The following SPOCK1 variants were observed in gnomAD, a reference collection of about 807,000 sequenced individuals.
The protein encoded by SPOCK1 is SPARC (osteonectin), cwcv and kazal like domains proteoglycan 1.
Under a neutral mutation model 55.3 loss-of-function variants are expected in SPOCK1, and 23 were observed. The ratio of observed to expected loss-of-function variants is 0.42; its 90% CI spans 0.30 to 0.59. The LOEUF is 0.59. SPOCK1 is among the 20% of genes least tolerant of loss of function. The pLI is 0.22. For synonymous variants in SPOCK1, 226 were observed against 221.0 expected (o/e 1.02, Z -0.20); for missense variants, 499 against 552.5 (o/e 0.90, Z 0.97).
At chr5:137,250,488 T>A (rs973052519) in intron 3 of SPOCK1, among the ~76,000 whole-genome samples, 1 of 152,192 alleles carries the variant, frequency 6.6e-6, no homozygotes, top group East Asian at 1.9e-4. Context: ...AAATCAGGAT[T>A]TTTTTTAACA....
At chr5:137,358,193 C>A (rs2127164614) in intron 2 of SPOCK1, among the ~76,000 whole-genome samples, 1 of 152,010 alleles carries the variant, frequency 6.6e-6, no homozygotes, top group South Asian at 2.1e-4. Context: ...CATCACTGAG[C>A]AATGACTGAA....
intron 2 of SPOCK1, among the ~76,000 whole-genome samples, chr5:137,301,497 C>T (rs917724755): frequency 6.6e-6 from 1 of 152,098 alleles, no homozygotes; most frequent in Non-Finnish European, 1.5e-5. Flanking sequence ...CCAACTCCAC[C>T]AACAGTTCCC....
intron 4 of SPOCK1, among the ~76,000 whole-genome samples, chr5:137,127,874 G>A (rs1753805886): frequency 6.6e-6 from 1 of 152,238 alleles, no homozygotes; most frequent in Non-Finnish European, 1.5e-5. Flanking sequence ...AGACTTTAAA[G>A]TTGATGTTGG....
chr5:137,040,200 C>G (rs1174231318), intron 6 of SPOCK1, among the ~76,000 whole-genome samples: 1 of 152,204 alleles, frequency 6.6e-6, no homozygotes, highest in Admixed American at 6.5e-5. Flanking sequence ...GAATTAGTTT[C>G]CAGCTGAAGT....
At chr5:137,361,643 C>T (rs13186743) in intron 2 of SPOCK1, among the ~76,000 whole-genome samples, 19,459 of 152,214 alleles carry the variant, frequency 0.13, 1,567 homozygotes, top group East Asian at 0.27. Flanking sequence ...CTAAAAAATG[C>T]TAATAGTGGT....
In SPOCK1 at chr5:137,498,535, C is replaced by A; in HGVS notation, c.24G>T (p.Ala8=). 1 of 1,537,350 alleles carries A rather than the reference C, an allele frequency of 6.5e-7. No homozygotes were observed. Among genetic ancestry groups the A allele is most frequent in the Non-Finnish European group, 8.7e-7 (1 of 1,148,710 alleles). Residue 8 remains alanine, a synonymous_variant, in exon 2 of 11, where the codon GCG becomes GCT. Coordinates refer to ENST00000394945, the MANE Select transcript of SPOCK1 (RefSeq NM_004598.4). ...GGAAGCACCACGCCGCGGCGGCCGC[C>A]GCCAACACCGCGATCGCCGGCATCT... is the stretch of plus-strand genomic sequence containing the variant. MPAIAVL[A]AAAAAWCFLQ...
chr5:137,109,820 T>C (rs1339513717), intron 5 of SPOCK1, among the ~76,000 whole-genome samples: 1 of 152,198 alleles, frequency 6.6e-6, no homozygotes, highest in East Asian at 1.9e-4. Flanking sequence ...CGGATCACCA[T>C]TCCCTATAAA....
At chr5:137,112,383 A>T in intron 5 of SPOCK1, 52 bp downstream of exon 5, 1 of 1,598,464 alleles carries the variant, frequency 6.3e-7, no homozygotes, top group South Asian at 1.1e-5. Flanking sequence ...GAAGTGTTAG[A>T]ACAAGCCGAC....
At chr5:137,479,045 G>T (rs1488450848) in intron 2 of SPOCK1, among the ~76,000 whole-genome samples, 1 of 151,446 alleles carries the variant, frequency 6.6e-6, no homozygotes, top group African/African-American at 2.4e-5. Context: ...GTCATGCAAG[G>T]TTCACCAGGT....
chr5:137,084,846 C>T (rs922385935), intron 5 of SPOCK1, among the ~76,000 whole-genome samples: 1 of 151,910 alleles, frequency 6.6e-6, no homozygotes, highest in African/African-American at 2.4e-5. Context: ...CCTCACTACA[C>T]CACTCCAAAT....
At chr5:137,468,372 G>C (rs886245765) in intron 2 of SPOCK1, among the ~76,000 whole-genome samples, 1 of 152,210 alleles carries the variant, frequency 6.6e-6, no homozygotes, top group Non-Finnish European at 1.5e-5. Flanking sequence ...TTTCCTGCAA[G>C]GCATTTGAAT....
At chr5:137,157,849 C>T (rs547568987) in intron 3 of SPOCK1, among the ~76,000 whole-genome samples, 13 of 152,302 alleles carry the variant, frequency 8.5e-5, no homozygotes, top group South Asian at 6.2e-4. Flanking sequence ...CACCTGAGGT[C>T]AGGAGATCAA....
At chr5:137,070,479 A>G (rs1752591021) in intron 5 of SPOCK1, among the ~76,000 whole-genome samples, 1 of 152,206 alleles carries the variant, frequency 6.6e-6, no homozygotes. Context: ...GTAGGTGTTC[A>G]ATAAACAGCT....
At chr5:137,075,102 G>T (rs1008949533) in intron 5 of SPOCK1, among the ~76,000 whole-genome samples, 1 of 152,182 alleles carries the variant, frequency 6.6e-6, no homozygotes, top group Non-Finnish European at 1.5e-5. Flanking sequence ...TCCTCCCAAA[G>T]TGCTGGGATT....
At chr5:137,283,544 T>A (rs1399386557) in intron 2 of SPOCK1, among the ~76,000 whole-genome samples, 1 of 151,944 alleles carries the variant, frequency 6.6e-6, no homozygotes, top group African/African-American at 2.4e-5. Flanking sequence ...TGAAACCCCA[T>A]CTCTACCAAA....
At chr5:137,101,719 AT>A (rs1448459021) in intron 5 of SPOCK1, among the ~76,000 whole-genome samples, 2 of 152,212 alleles carry the variant, frequency 1.3e-5, no homozygotes, top group Non-Finnish European at 1.5e-5. Flanking sequence ...CACAATAACC[AT>A]TTTGCCTGAA....
At chr5:137,370,942 G>A (rs946756704) in intron 2 of SPOCK1, among the ~76,000 whole-genome samples, 1 of 152,208 alleles carries the variant, frequency 6.6e-6, no homozygotes, top group African/African-American at 2.4e-5. Context: ...CCTGAGACCA[G>A]GGCTGTGCTG....
chr5:137,456,244 G>A (rs1429733531), intron 2 of SPOCK1, among the ~76,000 whole-genome samples: 2 of 152,144 alleles, frequency 1.3e-5, no homozygotes, highest in African/African-American at 2.4e-5. Context: ...CTATTTCTCA[G>A]GAGATTCCTG....
At chr5:137,070,399 C>A (rs1287008462) in intron 5 of SPOCK1, among the ~76,000 whole-genome samples, 1 of 152,192 alleles carries the variant, frequency 6.6e-6, no homozygotes, top group African/African-American at 2.4e-5. Context: ...AAGGCCTTAA[C>A]AGCAAGAAAA....
Sources: allele counts gnomAD v4.1 joint callset (sites outside exome capture counted in the v4.1 genomes callset), GRCh38; gene constraint gnomAD v4.1.1; transcripts MANE v1.5; gene names NCBI Gene and HGNC (gene_info 2026-07-23, HGNC 2026-07-21).